Variants in TOX4 observed in about 807,000 individuals in gnomAD.
The protein encoded by TOX4 is epidermal Langerhans cell protein LCP1.
Under a neutral mutation model 61.0 loss-of-function variants are expected in TOX4, and 12 were observed. That is an observed-to-expected ratio of 0.20 (90% CI 0.13 to 0.32). The LOEUF (loss-of-function observed/expected upper bound fraction) is 0.32, where lower values mean the gene tolerates loss of function less well. Among genes scored for constraint, TOX4 ranks in the 10% least tolerant of loss-of-function variants. The probability of loss-of-function intolerance (pLI) is 1.00; values close to 1 mark genes in which losing one functional copy is unlikely to be tolerated. For synonymous variants in TOX4, 268 were observed against 274.8 expected, an observed-to-expected ratio of 0.98 and a Z score of 0.24; for missense variants, 499 against 753.3, an observed-to-expected ratio of 0.66 and a Z score of 3.95.
At chr14:21,477,654 G>C in intron 2 of TOX4, 90 bp downstream of exon 2, 1 of 1,466,706 alleles carries the variant, frequency 6.8e-7, no homozygotes, top group Non-Finnish European at 9.4e-7. Context: ...TCCGGGGACG[G>C]GGGCTGGGAA....
chr14:21,493,333 G>A (rs895285450), intron 7 of TOX4, 76 bp downstream of exon 7: 1 of 1,487,222 alleles, frequency 6.7e-7, no homozygotes, highest in African/African-American at 1.4e-5. Flanking sequence ...TAACAGTGGG[G>A]GTTGCTACTA....
chr14:21,491,126 AT>A (rs1047323701), intron 5 of TOX4, among the ~76,000 whole-genome samples: 2 of 114,376 alleles, frequency 1.7e-5, no homozygotes, highest in Admixed American at 7.9e-5. Context: ...CACCTGGCCT[AT>A]TTTTTTTCTT....
Position 21,493,130 on chromosome 14 carries a change from C to G in TOX4, c.1514C>G (p.Thr505Ser), listed in dbSNP as rs781060624. The change falls in exon 7 of 9, where the codon ACT becomes AGT. Residue 505 changes from threonine (T) to serine (S), a missense_variant. Around this residue, in one of 7 missense-constraint regions of TOX4, gnomAD observed 296 missense variants for 404.7 expected, o/e 0.73. Transcript: ENST00000448790. ...CCTCTACCCACTTTGAAAATGCAGA[C>G]TACCTTAGTCCCACCAACTGTGGAA... is the stretch of plus-strand genomic sequence containing the variant. ...SVPLPTLKMQTTLVPPTVESS... is the reference protein window; with the variant it reads ...SVPLPTLKMQSTLVPPTVESS... 4.3e-6 allele frequency: 7 copies of G among 1,613,958 alleles called. No homozygotes were observed. In the East Asian group the frequency reaches 1.3e-4, roughly 31 times the overall value.
chr14:21,489,499 T>C (rs1891247934), intron 5 of TOX4, 96 bp downstream of exon 5: 5 of 1,049,992 alleles, frequency 4.8e-6, no homozygotes, highest in South Asian at 1.6e-5. Context: ...CCTTATCTAA[T>C]ATCAGCTGTT....
intron 5 of TOX4, among the ~76,000 whole-genome samples, chr14:21,490,305 ACT>A (rs1236564199): frequency 2.0e-5 from 3 of 150,754 alleles, no homozygotes; most frequent in East Asian, 2.0e-4. Context: ...TGAAACCCCG[ACT>A]CTACTAAAAA....
In TOX4 at chr14:21,477,513, C is replaced by T; in HGVS notation, c.24C>T (p.Asp8=). The T allele has an allele frequency of 6.2e-7, 1 of 1,613,636 alleles. No homozygotes were observed. Among genetic ancestry groups the T allele is most frequent in the Non-Finnish European group, 8.5e-7 (1 of 1,180,038 alleles). Residue 8 remains aspartate, a synonymous_variant, in exon 2 of 9, where the codon GAC becomes GAT. Coordinates refer to ENST00000448790, the MANE Select transcript of TOX4 (RefSeq NM_014828.4). The part of the protein sequence containing the change: MEFPGGN[D]NYLTITGPSH... ...GTTTCCAGTTTCCCGGAGGAAATGA[C>T]AATTACCTGACGATCACAGGGCCTT...
Position 21,498,731 on chromosome 14 carries a change from C to T in TOX4, c.*2125C>T, listed in dbSNP as rs778025374. The T allele has an allele frequency of 6.3e-5, 29 of 458,014 alleles. No individual in the cohort carries two copies. The highest frequency in any genetic ancestry group is 9.7e-5 in the Non-Finnish European group (25 of 256,678). The allele number at this position is 458,014 out of a possible 1,614,324, so 28.4% of individuals were successfully genotyped here. ...TATTGACAGATTAAATAGATAACTTCGTAACCACCAGGGGGCAGATTCAAT... is the reference window on the plus strand; with the variant it reads ...TATTGACAGATTAAATAGATAACTTTGTAACCACCAGGGGGCAGATTCAAT... On this transcript the variant is annotated 3_prime_UTR_variant, in exon 9 of 9. Transcript: ENST00000448790.
At position 21,498,373 on chromosome 14, in the gene TOX4, A is replaced by C. The variant is rs535195781; in HGVS notation, c.*1767A>C. ...CAGTTGGTTTCCAAGGGTGATCCTG[A>C]AACAGTGTAAAAGGAGGGGCAAACC... On this transcript the variant is annotated 3_prime_UTR_variant, in exon 9 of 9. Transcript: ENST00000448790. The C allele has an allele frequency of 2.4e-5, 39 of 1,614,058 alleles. 1 individual carries two copies. In the South Asian group the frequency reaches 3.4e-4, roughly 14 times the overall value.
At position 21,485,245 on chromosome 14, in the gene TOX4, G is replaced by A. The variant is rs1228305997; in HGVS notation, c.76-2206G>A. Among the ~76,000 whole-genome samples the A allele has an allele frequency of 1.9e-5, 2 of 104,230 alleles. 1 individual carries two copies. Among genetic ancestry groups the A allele is most frequent in the Non-Finnish European group, 4.2e-5 (2 of 47,504 alleles). The allele number at this position is 104,230 out of a possible 152,430, so 68.4% of individuals were successfully genotyped here. ...AGCCTGACCAACATGGAGAAACCCC[G>A]TCTCTACTAAAAATACAAAATTAGC... On this transcript the variant is annotated intron_variant, in intron 2 of 8. Coordinates refer to ENST00000448790, the MANE Select transcript of TOX4 (RefSeq NM_014828.4).
intron 2 of TOX4, among the ~76,000 whole-genome samples, chr14:21,484,048 A>T (rs1417370509): frequency 2.0e-5 from 3 of 152,068 alleles, no homozygotes; most frequent in Non-Finnish European, 2.9e-5. Flanking sequence ...TTTTCAAGTG[A>T]TCCACCCACC....
rs55898096 is a variant in TOX4, at chr14:21,480,396, T to C, written c.75+2832T>C. Among the ~76,000 whole-genome samples the C allele has an allele frequency of 3.7e-3, 557 of 152,282 alleles. 1 individual carries two copies. The highest frequency in any genetic ancestry group is 0.013 in the African/African-American group (532 of 41,558). ...TGTCATTGTTAACAGTTCTCCATTT[T>C]CTCATTACAACTTCTACACCTTCCC... On this transcript the variant is annotated intron_variant, in intron 2 of 8. Coordinates refer to ENST00000448790, the MANE Select transcript of TOX4 (RefSeq NM_014828.4).
chr14:21,488,534 G>C, intron 3 of TOX4, 56 bp from the exon 4 acceptor site: 1 of 1,552,902 alleles, frequency 6.4e-7, no homozygotes, highest in Non-Finnish European at 8.8e-7. Context: ...AAATTTAGGG[G>C]GGAAAAGTGG....
At position 21,492,324 on chromosome 14, in the gene TOX4, AG is replaced by A. The variant is rs769115756; in HGVS notation, c.840del (p.Glu282SerfsTer3). The A allele has an allele frequency of 6.2e-7, 1 of 1,614,028 alleles. No homozygotes were observed. Among genetic ancestry groups the A allele is most frequent in the Non-Finnish European group, 8.5e-7 (1 of 1,180,014 alleles). On this transcript the variant is annotated frameshift_variant, in exon 6 of 9. Coordinates refer to ENST00000448790, the MANE Select transcript of TOX4 (RefSeq NM_014828.4). LOFTEE classifies it high-confidence loss of function. Reference sequence around the variant, plus strand: ...TATAAGAGGAAAACTGAGGCTGCCAAGAAAGAGTATCTGAAGGCACTGGCTG... The same window carrying A: ...TATAAGAGGAAAACTGAGGCTGCCAAAAAGAGTATCTGAAGGCACTGGCTG... ...QVYKRKTEAA[K>X]KEYLKALAAY...
chr14:21,481,902 TGTGAA>T (rs1891113972), intron 2 of TOX4, among the ~76,000 whole-genome samples: 1 of 152,202 alleles, frequency 6.6e-6, no homozygotes, highest in African/African-American at 2.4e-5. Flanking sequence ...TGATACCAGT[TGTGAA>T]GGGAAGGAAG....
chr14:21,498,340 A>G lies in TOX4; in HGVS notation c.*1734A>G, dbSNP rs1891460023. On this transcript the variant is annotated 3_prime_UTR_variant, in exon 9 of 9. Transcript: ENST00000448790. ...AACCACATCTGGGTCTAGTAGGTGGATCCCATCCAGTTGGTTTCCAAGGGT... is the reference window on the plus strand; with the variant it reads ...AACCACATCTGGGTCTAGTAGGTGGGTCCCATCCAGTTGGTTTCCAAGGGT... 1 of 1,614,158 alleles carries G rather than the reference A, an allele frequency of 6.2e-7. No individual in the cohort carries two copies. Among genetic ancestry groups the G allele is most frequent in the Non-Finnish European group, 8.5e-7 (1 of 1,180,032 alleles).
Position 21,492,828 on chromosome 14 carries a change from A to G in TOX4, c.1212A>G (p.Gln404=). The G allele has an allele frequency of 3.7e-6, 6 of 1,614,074 alleles. No individual in the cohort carries two copies. The highest frequency in any genetic ancestry group is 5.1e-6 in the Non-Finnish European group (6 of 1,180,008). Reference sequence around the variant, plus strand: ...CCTCCCGGGGGCTCCAACTAGGCCAAACCAGTACAGCTACTATCCAGCCCA... The same window carrying G: ...CCTCCCGGGGGCTCCAACTAGGCCAGACCAGTACAGCTACTATCCAGCCCA... ...VVTSRGLQLG[Q]TSTATIQPSQ... Residue 404 remains glutamine, a synonymous_variant, in exon 7 of 9, where the codon CAA becomes CAG. Coordinates refer to ENST00000448790, the MANE Select transcript of TOX4 (RefSeq NM_014828.4).
chr14:21,477,308 G>A, intron 1 of TOX4, 24 bp downstream of exon 1: 1 of 1,614,006 alleles, frequency 6.2e-7, no homozygotes, highest in Non-Finnish European at 8.5e-7. Flanking sequence ...AGCTAAGAAG[G>A]CTGGCGAGAG....
intron 2 of TOX4, among the ~76,000 whole-genome samples, chr14:21,479,838 G>A (rs1410501068): frequency 6.6e-6 from 1 of 152,128 alleles, no homozygotes; most frequent in Non-Finnish European, 1.5e-5. Flanking sequence ...GTTATTTAGA[G>A]TGTTATAAAT....
chr14:21,487,085 TAGAG>T (rs1281613727), intron 2 of TOX4, among the ~76,000 whole-genome samples: 1 of 152,208 alleles, frequency 6.6e-6, no homozygotes, highest in Non-Finnish European at 1.5e-5. Context: ...TTAGAATCTT[TAGAG>T]AGAGATTTCA....
Sources: allele counts gnomAD v4.1 joint callset (sites outside exome capture counted in the v4.1 genomes callset), GRCh38; gene constraint gnomAD v4.1.1; regional missense constraint gnomAD v4.1.1; transcripts MANE v1.5; gene names NCBI Gene and HGNC (gene_info 2026-07-23, HGNC 2026-07-21).